The following PLA2G12B variants were observed in gnomAD, a reference collection of about 807,000 sequenced individuals.
PLA2G12B encodes the protein group XIIB secretory phospholipase A2-like protein.
In PLA2G12B, 19 loss-of-function variants were observed where a neutral mutation model predicts 22.3. The ratio of observed to expected loss-of-function variants is 0.85; its 90% CI spans 0.60 to 1.25. The LOEUF (loss-of-function observed/expected upper bound fraction) is 1.25. PLA2G12B is among the 50% of genes most tolerant of loss of function. The pLI, the probability that PLA2G12B is intolerant of heterozygous loss-of-function variation, is 0.00. For missense variants in PLA2G12B, 191 were observed against 246.6 expected (o/e 0.77, Z 1.51); for synonymous variants, 81 against 94.9 (o/e 0.85, Z 0.85).
intron 3 of PLA2G12B, among the ~76,000 whole-genome samples, chr10:72,938,026 A>C (rs2132961575): frequency 6.6e-6 from 1 of 151,944 alleles, no homozygotes; most frequent in South Asian, 2.1e-4. Flanking sequence ...AGGCAGGAGA[A>C]TCGCTTGAAC....
At chr10:72,938,486 G>T (rs1846313098) in intron 3 of PLA2G12B, among the ~76,000 whole-genome samples, 1 of 152,052 alleles carries the variant, frequency 6.6e-6, no homozygotes, top group Admixed American at 6.6e-5. Context: ...TTTCAGCTGG[G>T]TTGCAGGATA....
At chr10:72,942,145 G>T (rs915008474) in intron 2 of PLA2G12B, among the ~76,000 whole-genome samples, 1 of 124,144 alleles carries the variant, frequency 8.1e-6, no homozygotes, top group Non-Finnish European at 1.6e-5. Context: ...TTAGCAGGGC[G>T]TCGGGTGTGT....
intron 1 of PLA2G12B, among the ~76,000 whole-genome samples, chr10:72,945,752 A>G (rs1206210043): frequency 6.6e-6 from 1 of 151,436 alleles, no homozygotes; most frequent in Non-Finnish European, 1.5e-5. Context: ...AGTTCAAGTG[A>G]TTCTCCTGCA....
chr10:72,938,902 T>C (rs887998410), intron 3 of PLA2G12B, among the ~76,000 whole-genome samples: 1 of 152,244 alleles, frequency 6.6e-6, no homozygotes, highest in Non-Finnish European at 1.5e-5. Flanking sequence ...AGAACACATC[T>C]TGATTTCAAA....
intron 1 of PLA2G12B, among the ~76,000 whole-genome samples, chr10:72,948,614 C>T (rs1051959866): frequency 3.9e-5 from 6 of 152,204 alleles, no homozygotes; most frequent in Admixed American, 3.9e-4. Flanking sequence ...AGGCCGACAA[C>T]TTGATCCTGT....
In PLA2G12B at chr10:72,954,548, G is replaced by A; in HGVS notation, c.138C>T (p.Val46=). 1 of 1,614,192 alleles carries A rather than the reference G, an allele frequency of 6.2e-7. No homozygotes were observed. Among genetic ancestry groups the A allele is most frequent in the Non-Finnish European group, 8.5e-7 (1 of 1,180,050 alleles). The change falls in exon 1 of 4, where the codon GTC becomes GTT. Residue 46 remains valine (V), a synonymous_variant. Transcript: ENST00000373032. ...LRHLRGSFES[V]NSYFDSFLEL... The stretch of plus-strand genomic sequence containing the variant: ...CCAGAAAAGAATCGAAGTAGCTATT[G>A]ACGGATTCAAAGCTTCCCCGGAGGT...
intron 1 of PLA2G12B, among the ~76,000 whole-genome samples, chr10:72,945,314 T>C (rs1473158925): frequency 1.3e-5 from 2 of 152,152 alleles, no homozygotes; most frequent in Admixed American, 6.6e-5. Flanking sequence ...TTGGGCTCTC[T>C]TACTCTCCCT....
At chr10:72,950,778 C>T (rs1260586979) in intron 1 of PLA2G12B, among the ~76,000 whole-genome samples, 1 of 152,220 alleles carries the variant, frequency 6.6e-6, no homozygotes, top group East Asian at 1.9e-4. Context: ...TTTAAAGAAA[C>T]TTTTAAGATA....
intron 1 of PLA2G12B, among the ~76,000 whole-genome samples, chr10:72,946,974 A>G (rs1846452627): frequency 6.6e-6 from 1 of 151,496 alleles, no homozygotes; most frequent in African/African-American, 2.4e-5. Context: ...GTTGGAGTGC[A>G]GTGCAGTGGC....
intron 1 of PLA2G12B, among the ~76,000 whole-genome samples, chr10:72,945,737 T>G (rs1164503677): frequency 1.3e-5 from 2 of 151,974 alleles, no homozygotes; most frequent in Non-Finnish European, 2.9e-5. Context: ...AATCTCTGCC[T>G]CCCAAGTTCA....
At chr10:72,945,850 G>A (rs1028118193) in intron 1 of PLA2G12B, among the ~76,000 whole-genome samples, 1 of 152,092 alleles carries the variant, frequency 6.6e-6, no homozygotes, top group African/African-American at 2.4e-5. Flanking sequence ...GTTTCACCAT[G>A]TTGGCCAGGC....
chr10:72,949,262 G>A (rs990907530), intron 1 of PLA2G12B, among the ~76,000 whole-genome samples: 2 of 151,788 alleles, frequency 1.3e-5, no homozygotes, highest in African/African-American at 2.4e-5. Context: ...TTCCTATCTC[G>A]GACAGCAATA....
intron 1 of PLA2G12B, among the ~76,000 whole-genome samples, chr10:72,944,892 G>C (rs901349751): frequency 5.3e-5 from 8 of 152,194 alleles, no homozygotes; most frequent in Non-Finnish European, 1.0e-4. Context: ...GAAGGGTCCA[G>C]CCCCTCTCTT....
chr10:72,945,617 T>C (rs1202082550), intron 1 of PLA2G12B, among the ~76,000 whole-genome samples: 1 of 151,830 alleles, frequency 6.6e-6, no homozygotes, highest in Admixed American at 6.6e-5. Context: ...ACCTTTTTGC[T>C]CAATAATATA....
intron 3 of PLA2G12B, among the ~76,000 whole-genome samples, chr10:72,940,908 T>G (rs1846349650): frequency 6.6e-6 from 1 of 152,244 alleles, no homozygotes; most frequent in East Asian, 1.9e-4. Context: ...AAATGATAGA[T>G]TTTTATTTTT....
intron 3 of PLA2G12B, 143 bp from the exon 4 acceptor site, chr10:72,935,881 G>T: frequency 8.3e-7 from 1 of 1,202,142 alleles, no homozygotes; most frequent in African/African-American, 1.5e-5. Flanking sequence ...TTCAGAGAAT[G>T]TTCTCAGAAA....
Position 72,942,723 on chromosome 10 carries a change from T to G in PLA2G12B, c.229A>C (p.Arg77=). ...RCRYGKAPMP[R]PGYKPQEPNG... is the part of the protein sequence containing the mutation. ...GGCTCTTGGGGCTTGTAGCCAGGTC[T>G]GGGCATTGGTGCCTTTCCTTGCAGG... is the stretch of plus-strand genomic sequence containing the variant. The change falls in exon 2 of 4, where the codon AGA becomes CGA. Residue 77 remains arginine, a synonymous_variant. Coordinates refer to ENST00000373032, the MANE Select transcript of PLA2G12B (RefSeq NM_032562.5). 6.2e-7 allele frequency: 1 copy of G among 1,603,442 alleles called. No homozygotes were observed. Among genetic ancestry groups the G allele is most frequent in the Middle Eastern group, 1.7e-4 (1 of 6,026 alleles).
At position 72,935,509 on chromosome 10, in the gene PLA2G12B, T is replaced by G. The variant is rs1007469659; in HGVS notation, c.*108A>C. On this transcript the variant is annotated 3_prime_UTR_variant, in exon 4 of 4. Coordinates refer to ENST00000373032, the MANE Select transcript of PLA2G12B (RefSeq NM_032562.5). ...ATGTTCCCTTTCTCCTGCTTTGTGG[T>G]GTCCAAACTGTTGGAAGAACGAATG... 1.1e-5 allele frequency: 16 copies of G among 1,468,646 alleles called. No individual in the cohort carries two copies. The highest frequency in any genetic ancestry group is 1.4e-5 in the Non-Finnish European group (15 of 1,082,648). The allele number at this position is 1,468,646 out of a possible 1,614,324, so 91.0% of individuals were successfully genotyped here. A position where few individuals can be genotyped will look rare whatever the true frequency, so the allele number is the denominator to read the frequency against.
intron 2 of PLA2G12B, 35 bp downstream of exon 2, chr10:72,942,613 AAACC>A: frequency 3.3e-6 from 5 of 1,511,664 alleles, no homozygotes; most frequent in Non-Finnish European, 4.5e-6. Context: ...CTCTCAGTCA[AAACC>A]AACCAACCAA....
Sources: allele counts gnomAD v4.1 joint callset (sites outside exome capture counted in the v4.1 genomes callset), GRCh38; gene constraint gnomAD v4.1.1; transcripts MANE v1.5; gene names NCBI Gene and HGNC (gene_info 2026-07-23, HGNC 2026-07-21).